The following ASB2 variants were observed in gnomAD, a reference collection of about 807,000 sequenced individuals.
ASB2 encodes ankyrin repeat and SOCS box protein 2.
In ASB2, 58 loss-of-function variants were observed where a neutral mutation model predicts 62.4. The ratio of observed to expected loss-of-function variants is 0.93; its 90% CI spans 0.75 to 1.16. The LOEUF is 1.16. Among genes scored for constraint, ASB2 ranks in the 50% most tolerant of loss-of-function variants. The probability of loss-of-function intolerance (pLI) is 0.00; values close to 1 mark genes in which losing one functional copy is unlikely to be tolerated. For missense variants in ASB2, 928 were observed against 887.9 expected (o/e 1.05, Z -0.57); for synonymous variants, 386 against 385.3 (o/e 1.00, Z -0.02).
At chr14:93,950,764 AC>A (rs535151524) in intron 6 of ASB2, among the ~76,000 whole-genome samples, 12 of 145,302 alleles carry the variant, frequency 8.3e-5, no homozygotes, top group African/African-American at 2.8e-4. Context: ...CGTGGGCCAG[AC>A]CCCCCCATAT....
Position 93,976,527 on chromosome 14 carries a change from T to C in ASB2, c.-167A>G, listed in dbSNP as rs1343946727. ...TCAGAACATGCTCCCCGAGTTTTCC[T>C]TCTGCCCTGGCCCCAAGCTTCTGGC... is the stretch of plus-strand genomic sequence containing the variant. On this transcript the variant is annotated 5_prime_UTR_variant, in exon 1 of 10. Coordinates refer to ENST00000555019, the MANE Select transcript of ASB2 (RefSeq NM_001202429.2). 1.3e-5 allele frequency: 2 copies of C among 152,246 alleles called. No individual in the cohort carries two copies. The highest frequency in any genetic ancestry group is 2.9e-5 in the Non-Finnish European group (2 of 68,046). 9.4% of individuals were successfully genotyped at this position (152,246 alleles called of 1,614,324 possible). A position where few individuals can be genotyped will look rare whatever the true frequency, so the allele number is the denominator to read the frequency against.
intron 1 of ASB2, among the ~76,000 whole-genome samples, chr14:93,975,958 A>G (rs115914581): frequency 0.011 from 1,620 of 152,334 alleles, 30 homozygotes; most frequent in African/African-American, 0.037. Flanking sequence ...AGCAGAGCAC[A>G]TGGCACCTTG....
At chr14:93,937,676 G>GGCA (rs1461981169) in intron 9 of ASB2, 22 bp downstream of exon 9, 4 of 1,592,572 alleles carry the variant, frequency 2.5e-6, no homozygotes, top group Middle Eastern at 1.7e-4. Context: ...TGCCAGCCTT[G>GGCA]GCAGCAGCAG....
Position 93,939,132 on chromosome 14 carries a change from G to A in ASB2, c.1593C>T (p.Ala531=). The A allele has an allele frequency of 1.3e-6, 2 of 1,537,930 alleles. No homozygotes were observed. Among genetic ancestry groups the A allele is most frequent in the Non-Finnish European group, 1.8e-6 (2 of 1,138,486 alleles). ...PSSRFNDAPA[A]DKEPSVVQFC... The stretch of plus-strand genomic sequence containing the variant: ...CCTGCACCACGCTGGGCTCCTTGTC[G>A]GCCGCGGGCGCGTCGTTGAACCTGC... Residue 531 remains alanine, a synonymous_variant, in exon 8 of 10, where the codon GCC becomes GCT. Coordinates refer to ENST00000555019, the MANE Select transcript of ASB2 (RefSeq NM_001202429.2).
chr14:93,966,579 G>A (rs996633817), intron 1 of ASB2, among the ~76,000 whole-genome samples: 3 of 152,238 alleles, frequency 2.0e-5, no homozygotes, highest in African/African-American at 7.2e-5. Context: ...ATGAATAATA[G>A]TTTTTCTGGG....
At chr14:93,941,426 G>A (rs951189492) in intron 7 of ASB2, 9 of 309,192 alleles carry the variant, frequency 2.9e-5, no homozygotes, top group Admixed American at 2.8e-4. Context: ...TGATGCCAGC[G>A]ACCTCCTGCT....
In ASB2 at chr14:93,947,349, C is replaced by T; in HGVS notation, c.1052G>A (p.Arg351Lys). 6.2e-7 allele frequency: 1 copy of T among 1,614,046 alleles called. No homozygotes were observed. The highest frequency in any genetic ancestry group is 8.5e-7 in the Non-Finnish European group (1 of 1,180,020). The change falls in exon 7 of 10, where the codon AGG becomes AAG. Residue 351 changes from arginine (R) to lysine (K), a missense_variant and splice_region_variant. Coordinates refer to ENST00000555019, the MANE Select transcript of ASB2 (RefSeq NM_001202429.2). Reference protein sequence around the residue: ...LHIASKKGNYRIVQMLLPVTS... With the variant: ...LHIASKKGNYKIVQMLLPVTS... Reference sequence around the variant, plus strand: ...GGGTGCTGGCGGAGCCTGGGCTGACCTGTAGTTGCCCTTCTTGGAGGCGAT... The same window carrying T: ...GGGTGCTGGCGGAGCCTGGGCTGACTTGTAGTTGCCCTTCTTGGAGGCGAT...
chr14:93,937,753 C>T lies in ASB2; in HGVS notation c.1716G>A (p.Arg572=). ...CAAAGCTGTCGATGTGTTCCTTCAG[C>T]CGCGAGCAGAGCTGCACGTTGCCCA... ...DYVGNVQLCS[R]LKEHIDSFED... The change falls in exon 9 of 10, where the codon CGG becomes CGA. Residue 572 remains arginine, a synonymous_variant. Transcript: ENST00000555019. 1 of 1,613,176 alleles carries T rather than the reference C, an allele frequency of 6.2e-7. No homozygotes were observed. Among genetic ancestry groups the T allele is most frequent in the Non-Finnish European group, 8.5e-7 (1 of 1,179,172 alleles).
At chr14:93,967,436 G>A (rs954726044) in intron 1 of ASB2, among the ~76,000 whole-genome samples, 2 of 152,238 alleles carry the variant, frequency 1.3e-5, no homozygotes, top group Non-Finnish European at 1.5e-5. Context: ...GGAAGTGCTG[G>A]TGCCCAGGAC....
At position 93,955,509 on chromosome 14, in the gene ASB2, C is replaced by T. The variant is rs538884025; in HGVS notation, c.312-1026G>A. 1.8e-4 allele frequency: 34 copies of T among 190,862 alleles called. No individual in the cohort carries two copies. The South Asian group carries it at 3.4e-3, about 19-fold the overall frequency. 11.8% of individuals were successfully genotyped at this position (190,862 alleles called of 1,614,324 possible). A position where few individuals can be genotyped will look rare whatever the true frequency, so the allele number is the denominator to read the frequency against. ...TAGGAACAGCCAGAGCAGCCCCTGTCAGCATCAGGAAAAGCCCAGTGGGGG... is the reference window on the plus strand; with the variant it reads ...TAGGAACAGCCAGAGCAGCCCCTGTTAGCATCAGGAAAAGCCCAGTGGGGG... On this transcript the variant is annotated intron_variant, in intron 3 of 9. Coordinates refer to ENST00000555019, the MANE Select transcript of ASB2 (RefSeq NM_001202429.2).
chr14:93,949,900 C>T lies in ASB2; in HGVS notation c.880+1099G>A, dbSNP rs138165929. ...TCCTGGCTGCACGGAAGGGCCTGCA[C>T]CTATGTTCCCCACTGCTCAGGCGCG... On this transcript the variant is annotated intron_variant, in intron 6 of 9. Coordinates refer to ENST00000555019, the MANE Select transcript of ASB2 (RefSeq NM_001202429.2). 1.9e-3 allele frequency among the ~76,000 whole-genome samples: 285 copies of T among 152,296 alleles called. 2 individuals are homozygous for T. In the Middle Eastern group the frequency reaches 0.02, roughly 11 times the overall value.
At chr14:93,934,817 G>C (rs1380203260) in intron 9 of ASB2, 25 bp from the exon 10 acceptor site, 1 of 1,603,878 alleles carries the variant, frequency 6.2e-7, no homozygotes, top group Non-Finnish European at 8.5e-7. Flanking sequence ...GAAAGACAGA[G>C]GCTGATTTGT....
In ASB2 at chr14:93,956,844, G is replaced by T; in HGVS notation, c.233C>A (p.Pro78Gln). 3 of 1,614,190 alleles carry T rather than the reference G, an allele frequency of 1.9e-6. No homozygotes were observed. Among genetic ancestry groups the T allele is most frequent in the South Asian group, 2.2e-5 (2 of 91,084 alleles). The change falls in exon 3 of 10, where the codon CCG (proline) becomes CAG (glutamine). Residue 78 changes from proline (P) to glutamine (Q), a missense_variant. Pro to Gln is a moderately conservative substitution (Grantham distance 76, BLOSUM62 -1). Coordinates refer to ENST00000555019, the MANE Select transcript of ASB2 (RefSeq NM_001202429.2). Reference protein sequence around the residue: ...TRSTAPPESSPARAPMGLFQG... With the variant: ...TRSTAPPESSQARAPMGLFQG... ...GAACAAGCCCATTGGGGCCCGGGCC[G>T]GCGAACTCTCAGGAGGTGCAGTGGA...
intron 2 of ASB2, among the ~76,000 whole-genome samples, chr14:93,962,680 C>G (rs951048620): frequency 6.6e-6 from 1 of 152,192 alleles, no homozygotes; most frequent in Non-Finnish European, 1.5e-5. Flanking sequence ...GGGCCCACTT[C>G]TTTCTAATGT....
chr14:93,950,944 T>A, intron 6 of ASB2, 55 bp downstream of exon 6: 1 of 1,567,210 alleles, frequency 6.4e-7, no homozygotes, highest in Non-Finnish European at 8.7e-7. Context: ...ACCTCTGACA[T>A]CCTTCCCGTG....
chr14:93,934,695 G>T lies in ASB2; in HGVS notation c.1869C>A (p.Gly623=). ...CGTATTTCAGGTATCTAATCAGCCT[G>T]CCTGGGAGCGGCAAGGTGTCTAGGA... ...IKLLDTLPLP[G]RLIRYLKYEN... is the part of the protein sequence containing the mutation. Residue 623 remains glycine (G), a synonymous_variant, in exon 10 of 10, where the codon GGC becomes GGA. Coordinates refer to ENST00000555019, the MANE Select transcript of ASB2 (RefSeq NM_001202429.2). The T allele has an allele frequency of 6.2e-7, 1 of 1,614,176 alleles. No individual in the cohort carries two copies. The highest frequency in any genetic ancestry group is 8.5e-7 in the Non-Finnish European group (1 of 1,180,002).
chr14:93,962,322 G>C (rs549480388), intron 2 of ASB2, among the ~76,000 whole-genome samples: 12 of 151,922 alleles, frequency 7.9e-5, no homozygotes, highest in Non-Finnish European at 1.6e-4. Flanking sequence ...CACCGTTTTA[G>C]CCGGGATGGT....
intron 1 of ASB2, among the ~76,000 whole-genome samples, chr14:93,969,233 GT>G (rs1010699776): frequency 6.6e-6 from 1 of 152,204 alleles, no homozygotes; most frequent in African/African-American, 2.4e-5. Context: ...AACGGATGCA[GT>G]CGTAGGCTGG....
In ASB2 at chr14:93,938,725, G is replaced by T. The variant is rs189863653; in HGVS notation, c.1617+383C>A. Among the ~76,000 whole-genome samples the T allele has an allele frequency of 1.9e-4, 29 of 150,830 alleles. 1 individual carries two copies. In the Middle Eastern group the frequency reaches 0.01, roughly 53 times the overall value. ...GCCTCTTAGTTTGGCAGAGTTCTCC[G>T]CTCCATCATTGGTTCCTTAAATTCC... On this transcript the variant is annotated intron_variant, in intron 8 of 9. Coordinates refer to ENST00000555019, the MANE Select transcript of ASB2 (RefSeq NM_001202429.2).
Sources: allele counts gnomAD v4.1 joint callset (sites outside exome capture counted in the v4.1 genomes callset), GRCh38; gene constraint gnomAD v4.1.1; transcripts MANE v1.5; gene names NCBI Gene and HGNC (gene_info 2026-07-23, HGNC 2026-07-21).